ARID5B: variants seen among roughly 807,000 people sequenced by gnomAD.
The protein encoded by ARID5B is AT-rich interaction domain 5B.
In ARID5B, 13 loss-of-function variants were observed where a neutral mutation model predicts 97.2. That is an observed-to-expected ratio of 0.13 (90% CI 0.09 to 0.21). ARID5B has a LOEUF of 0.21. Ranked by LOEUF, ARID5B falls within the 10% of genes least tolerant of loss-of-function variation. The probability of loss-of-function intolerance (pLI) is 1.00; values close to 1 mark genes in which losing one functional copy is unlikely to be tolerated. For missense variants in ARID5B, 1,210 were observed against 1,465.3 expected, an observed-to-expected ratio of 0.83 and a Z score of 2.84; for synonymous variants, 556 against 570.3, an observed-to-expected ratio of 0.97 and a Z score of 0.36.
intron 4 of ARID5B, among the ~76,000 whole-genome samples, chr10:62,028,227 C>G (rs951794984): frequency 6.6e-6 from 1 of 152,178 alleles, no homozygotes; most frequent in African/African-American, 2.4e-5. Flanking sequence ...GAAGAGTTTC[C>G]TTTAATGATG....
At chr10:62,079,647 G>T (rs1840183647) in intron 8 of ARID5B, among the ~76,000 whole-genome samples, 2 of 152,132 alleles carry the variant, frequency 1.3e-5, no homozygotes, top group Non-Finnish European at 2.9e-5. Flanking sequence ...CCACCACCTT[G>T]CTGTGTCCAG....
chr10:62,012,439 A>G (rs1002000869), intron 4 of ARID5B, among the ~76,000 whole-genome samples: 1 of 152,212 alleles, frequency 6.6e-6, no homozygotes, highest in Non-Finnish European at 1.5e-5. Flanking sequence ...TGGGAGGATC[A>G]TTTGAGCCTG....
Position 62,091,888 on chromosome 10 carries a change from G to A in ARID5B, c.2425G>A (p.Gly809Ser). ...SYVLKQEIQE[G>S]KDKLLEKRAL... ...CGTCCTGAAGCAAGAAATTCAGGAG[G>A]GCAAGGATAAACTCTTAGAGAAAAG... is the stretch of plus-strand genomic sequence containing the variant. Residue 809 changes from glycine to serine, a missense_variant, in exon 10 of 10, where the codon GGC (glycine) becomes AGC (serine). Gly to Ser is a moderately conservative substitution (Grantham distance 56). Around this residue, in one of 8 missense-constraint regions of ARID5B, gnomAD observed 800 missense variants for 839.1 expected, o/e 0.95. Coordinates refer to ENST00000279873, the MANE Select transcript of ARID5B (RefSeq NM_032199.3). 1 of 1,613,982 alleles carries A rather than the reference G, an allele frequency of 6.2e-7. No individual in the cohort carries two copies. The highest frequency in any genetic ancestry group is 1.1e-5 in the South Asian group (1 of 91,058).
intron 3 of ARID5B, among the ~76,000 whole-genome samples, chr10:61,967,223 G>A (rs1454633235): frequency 6.6e-6 from 1 of 152,132 alleles, no homozygotes; most frequent in African/African-American, 2.4e-5. Context: ...ATTAAAACAA[G>A]CAAACACCAA....
intron 8 of ARID5B, among the ~76,000 whole-genome samples, chr10:62,080,133 C>G (rs1282786161): frequency 6.6e-6 from 1 of 152,194 alleles, no homozygotes; most frequent in Non-Finnish European, 1.5e-5. Flanking sequence ...AGCGTGGCTT[C>G]TTACTCCGTG....
At chr10:62,055,653 A>G (rs1839846381) in intron 5 of ARID5B, among the ~76,000 whole-genome samples, 1 of 152,194 alleles carries the variant, frequency 6.6e-6, no homozygotes, top group Non-Finnish European at 1.5e-5. Context: ...ACATGGGAAA[A>G]TTGTTTTAGT....
chr10:61,989,372 A>G (rs917490044), intron 3 of ARID5B, among the ~76,000 whole-genome samples: 2 of 152,180 alleles, frequency 1.3e-5, no homozygotes, highest in Admixed American at 6.5e-5. Flanking sequence ...TTGTGTTTCT[A>G]TTGAATAATG....
At chr10:61,914,873 T>C (rs1368708192) in intron 2 of ARID5B, among the ~76,000 whole-genome samples, 1 of 152,210 alleles carries the variant, frequency 6.6e-6, no homozygotes, top group East Asian at 1.9e-4. Context: ...AGGTCACACA[T>C]AGGTGAGACT....
intron 7 of ARID5B, among the ~76,000 whole-genome samples, chr10:62,063,557 G>A (rs7921887): frequency 0.029 from 4,428 of 151,668 alleles, 187 homozygotes; most frequent in African/African-American, 0.096. Context: ...AGCCTTTATA[G>A]CATTTGACTA....
intron 2 of ARID5B, among the ~76,000 whole-genome samples, chr10:61,918,476 T>C (rs1247653059): frequency 6.6e-6 from 1 of 152,194 alleles, no homozygotes; most frequent in Non-Finnish European, 1.5e-5. Flanking sequence ...AGGGACCACA[T>C]CCTAAGTTTT....
intron 8 of ARID5B, 64 bp from the exon 9 acceptor site, chr10:62,085,638 C>T: frequency 7.5e-7 from 1 of 1,333,908 alleles, no homozygotes; most frequent in Non-Finnish European, 1.0e-6. Flanking sequence ...AAAGTAAACC[C>T]CCATAGCATT....
chr10:61,932,474 A>G (rs1844228019), intron 2 of ARID5B, among the ~76,000 whole-genome samples: 1 of 147,114 alleles, frequency 6.8e-6, no homozygotes, highest in South Asian at 2.1e-4. Context: ...GCAGTGGTGC[A>G]TTAATGGTTC....
chr10:62,027,686 C>A (rs1394333428), intron 4 of ARID5B, among the ~76,000 whole-genome samples: 2 of 152,000 alleles, frequency 1.3e-5, no homozygotes, highest in East Asian at 3.9e-4. Flanking sequence ...TTTTTAACTT[C>A]TTGCACTCGT....
At chr10:61,924,976 G>A (rs909805039) in intron 2 of ARID5B, among the ~76,000 whole-genome samples, 2 of 152,124 alleles carry the variant, frequency 1.3e-5, no homozygotes, top group Non-Finnish European at 2.9e-5. Context: ...AGCTGAGGCG[G>A]GTGGATCACT....
chr10:62,015,463 T>C (rs1839271414), intron 4 of ARID5B, among the ~76,000 whole-genome samples: 1 of 152,236 alleles, frequency 6.6e-6, no homozygotes, highest in South Asian at 2.1e-4. Context: ...TCAACTGTTC[T>C]AATTCATTTA....
chr10:62,072,379 C>T (rs1380007243), intron 8 of ARID5B, among the ~76,000 whole-genome samples: 1 of 152,184 alleles, frequency 6.6e-6, no homozygotes, highest in Non-Finnish European at 1.5e-5. Context: ...TCTCTCCCTG[C>T]CTCCCAGGAC....
chr10:61,979,779 G>A (rs996252328), intron 3 of ARID5B, among the ~76,000 whole-genome samples: 3 of 152,154 alleles, frequency 2.0e-5, no homozygotes, highest in Admixed American at 6.5e-5. Context: ...AAGAAAACAC[G>A]ATGACCTCTT....
intron 3 of ARID5B, among the ~76,000 whole-genome samples, chr10:61,968,187 T>C (rs558023816): frequency 5.1e-4 from 70 of 138,278 alleles, no homozygotes; most frequent in African/African-American, 1.6e-3. Context: ...CACATATTTA[T>C]ACACACACAC....
At chr10:61,986,396 A>G (rs1227154275) in intron 3 of ARID5B, among the ~76,000 whole-genome samples, 1 of 152,222 alleles carries the variant, frequency 6.6e-6, no homozygotes, top group East Asian at 1.9e-4. Flanking sequence ...ATTTGTAATT[A>G]TACAGTGTTA....
Sources: gnomAD v4.1 joint callset for allele counts (sites outside exome capture counted in the v4.1 genomes callset) on GRCh38, gnomAD v4.1.1 for gene constraint, gnomAD v4.1.1 regional missense constraint, MANE v1.5 for transcripts, NCBI Gene and HGNC (gene_info 2026-07-23, HGNC 2026-07-21) for gene names.